The following PSMB7 variants were observed in gnomAD, a reference collection of about 807,000 sequenced individuals.
PSMB7 encodes proteasome subunit beta type-7.
Under a neutral mutation model 28.1 loss-of-function variants are expected in PSMB7, and 5 were observed. That is an observed-to-expected ratio of 0.18 (90% CI 0.09 to 0.37). PSMB7 has a LOEUF of 0.37. Among genes scored for constraint, PSMB7 ranks in the 10% least tolerant of loss-of-function variants. The probability of loss-of-function intolerance (pLI) is 1.00; values close to 1 mark genes in which losing one functional copy is unlikely to be tolerated. For missense variants in PSMB7, 275 were observed against 346.2 expected (o/e 0.79, Z 1.63); for synonymous variants, 122 against 123.7 (o/e 0.99, Z 0.09).
chr9:124,372,949 C>G (rs559599664), intron 6 of PSMB7, among the ~76,000 whole-genome samples: 1 of 152,206 alleles, frequency 6.6e-6, no homozygotes, highest in Non-Finnish European at 1.5e-5. Flanking sequence ...AAATTTATAT[C>G]TGCTCTGTAA....
At chr9:124,376,107 G>A (rs1274487194) in intron 6 of PSMB7, among the ~76,000 whole-genome samples, 1 of 151,444 alleles carries the variant, frequency 6.6e-6, no homozygotes, top group Non-Finnish European at 1.5e-5. Context: ...TTGGCAGTTG[G>A]GAAAAAAAGA....
intron 6 of PSMB7, among the ~76,000 whole-genome samples, chr9:124,382,213 TTTTTTTTTTTTTG>T (rs1830674616): frequency 3.1e-5 from 3 of 96,494 alleles, no homozygotes; most frequent in Non-Finnish European, 4.7e-5. Flanking sequence ...TTTTTTTTTT[TTTTTTTTTTTTTG>T]AGACAAAGTC....
At chr9:124,371,064 C>A (rs565862343) in intron 6 of PSMB7, among the ~76,000 whole-genome samples, 1 of 152,178 alleles carries the variant, frequency 6.6e-6, no homozygotes, top group South Asian at 2.1e-4. Flanking sequence ...TATTTCATAC[C>A]GCTGTGAAAT....
rs1831037933 is a variant in PSMB7, at chr9:124,412,423, G to C, written c.324C>G (p.Leu108=). The C allele has an allele frequency of 6.2e-7, 1 of 1,613,986 alleles. No homozygotes were observed. The highest frequency in any genetic ancestry group is 8.5e-7 in the Non-Finnish European group (1 of 1,179,974). Residue 108 remains leucine, a synonymous_variant, in exon 4 of 8, where the codon CTC becomes CTG. Transcript: ENST00000259457. The stretch of plus-strand genomic sequence containing the variant: ...GAAGACGGCCAGTGGAGAGGGAGTG[G>C]AGCTCCAGGTTGGAAGAAATGAGCT... ...TTQLISSNLE[L]HSLSTGRLPR... is the part of the protein sequence containing the mutation.
chr9:124,398,467 A>G, intron 5 of PSMB7: 1 of 361,244 alleles, frequency 2.8e-6, no homozygotes, highest in Non-Finnish European at 5.6e-6. Context: ...TCCTCTTCAC[A>G]ATGGACTTGG....
At chr9:124,414,307 A>G (rs150480097) in intron 2 of PSMB7, among the ~76,000 whole-genome samples, 28 of 152,392 alleles carry the variant, frequency 1.8e-4, no homozygotes, top group Middle Eastern at 3.4e-3. Context: ...ATTAAGACTC[A>G]GGAATCTTTC....
chr9:124,387,154 G>A (rs993478506), intron 5 of PSMB7, among the ~76,000 whole-genome samples: 4 of 152,140 alleles, frequency 2.6e-5, no homozygotes, highest in African/African-American at 9.7e-5. Flanking sequence ...GCTGAGGCAG[G>A]AGAATGGCAT....
At position 124,356,864 on chromosome 9, in the gene PSMB7, T is replaced by C; in HGVS notation, c.622A>G (p.Asn208Asp). 6.2e-7 allele frequency: 1 copy of C among 1,614,206 alleles called. No homozygotes were observed. The highest frequency in any genetic ancestry group is 1.3e-5 in the African/African-American group (1 of 75,052). Residue 208 changes from asparagine (N) to aspartate (D), a missense_variant, in exon 7 of 8, where the codon AAC becomes GAC. Asn to Asp is a conservative substitution (Grantham distance 23). Coordinates refer to ENST00000259457, the MANE Select transcript of PSMB7 (RefSeq NM_002799.4). This position sits in a 1 kb window ranked among gnomAD's most constrained non-coding sequence, Gnocchi z 4.4. ...ATGTTGCTTCCGGAGCCCAGGTCGT[T>C]GAAGATGCCAGCTGCGATGGCTTCG... ...VSEAIAAGIF[N>D]DLGSGSNIDL...
intron 6 of PSMB7, among the ~76,000 whole-genome samples, chr9:124,366,122 A>G (rs925508978): frequency 2.6e-5 from 4 of 152,198 alleles, no homozygotes; most frequent in Admixed American, 6.5e-5. Flanking sequence ...TAATAGAGAA[A>G]AGCTTATAGG....
chr9:124,375,204 C>T (rs1245740418), intron 6 of PSMB7, among the ~76,000 whole-genome samples: 1 of 152,196 alleles, frequency 6.6e-6, no homozygotes, highest in African/African-American at 2.4e-5. Flanking sequence ...CACTCTGTCG[C>T]CCCAGGCTGA....
At chr9:124,363,939 G>A (rs1477241910) in intron 6 of PSMB7, among the ~76,000 whole-genome samples, 1 of 152,160 alleles carries the variant, frequency 6.6e-6, no homozygotes, top group African/African-American at 2.4e-5. Flanking sequence ...AATGAGGACA[G>A]CCCTGGACAG....
At chr9:124,373,033 C>T (rs1830577797) in intron 6 of PSMB7, among the ~76,000 whole-genome samples, 1 of 152,228 alleles carries the variant, frequency 6.6e-6, no homozygotes, top group African/African-American at 2.4e-5. Flanking sequence ...CCTACCTCTC[C>T]AAAGCTGGCC....
At chr9:124,372,804 G>A (rs1785121633) in intron 6 of PSMB7, among the ~76,000 whole-genome samples, 1 of 152,228 alleles carries the variant, frequency 6.6e-6, no homozygotes, top group South Asian at 2.1e-4. Context: ...TACACATTCA[G>A]TGGCCACTTC....
At chr9:124,371,017 A>G (rs1284326576) in intron 6 of PSMB7, among the ~76,000 whole-genome samples, 1 of 152,122 alleles carries the variant, frequency 6.6e-6, no homozygotes, top group Non-Finnish European at 1.5e-5. Flanking sequence ...CCCCTTTCTG[A>G]TATCGCACAC....
At chr9:124,371,508 G>C (rs1830562756) in intron 6 of PSMB7, among the ~76,000 whole-genome samples, 1 of 152,158 alleles carries the variant, frequency 6.6e-6, no homozygotes, top group Non-Finnish European at 1.5e-5. Context: ...TTACCAAATA[G>C]AATTCTAAAA....
At chr9:124,406,803 T>C (rs1213044718) in intron 4 of PSMB7, among the ~76,000 whole-genome samples, 1 of 152,092 alleles carries the variant, frequency 6.6e-6, no homozygotes, top group Admixed American at 6.6e-5. Context: ...GGACCCTTTT[T>C]TTCCATTTCT....
At chr9:124,398,144 G>C (rs1281669703) in intron 5 of PSMB7, among the ~76,000 whole-genome samples, 1 of 151,134 alleles carries the variant, frequency 6.6e-6, no homozygotes, top group Non-Finnish European at 1.5e-5. Flanking sequence ...CTTAACTCCA[G>C]CCTGGGCAAC....
chr9:124,406,620 C>CA (rs958490502), intron 4 of PSMB7, among the ~76,000 whole-genome samples: 8 of 149,150 alleles, frequency 5.4e-5, no homozygotes, highest in African/African-American at 9.8e-5. Context: ...GAACTCGTAT[C>CA]AAAAAAAAAG....
intron 7 of PSMB7, among the ~76,000 whole-genome samples, chr9:124,355,167 C>T (rs146893267): frequency 2.0e-5 from 3 of 152,362 alleles, no homozygotes; most frequent in East Asian, 1.9e-4. Flanking sequence ...ACACTTGCTG[C>T]CCTTGGCCCC....
Sources: allele counts gnomAD v4.1 joint callset (sites outside exome capture counted in the v4.1 genomes callset), GRCh38; gene constraint gnomAD v4.1.1; non-coding constraint Gnocchi (gnomAD v3.1); transcripts MANE v1.5; gene names NCBI Gene and HGNC (gene_info 2026-07-23, HGNC 2026-07-21).